Variants in SNTG2 observed in about 807,000 individuals in gnomAD.
SNTG2 encodes the protein gamma-2-syntrophin.
In SNTG2, 74 loss-of-function variants were observed where a neutral mutation model predicts 70.9. That is an observed-to-expected ratio of 1.04 (90% confidence interval 0.86 to 1.27). The LOEUF (loss-of-function observed/expected upper bound fraction) is 1.27, where lower values mean the gene tolerates loss of function less well. Ranked by LOEUF, SNTG2 falls within the 50% of genes most tolerant of loss-of-function variation. The probability of loss-of-function intolerance (pLI) is 0.00; values close to 1 mark genes in which losing one functional copy is unlikely to be tolerated. For missense variants in SNTG2, 717 were observed against 690.7 expected (o/e 1.04, Z -0.43); for synonymous variants, 278 against 273.8 (o/e 1.02, Z -0.15).
intron 6 of SNTG2, among the ~76,000 whole-genome samples, chr2:1,162,707 C>T (rs1443015416): frequency 6.6e-6 from 1 of 152,126 alleles, no homozygotes; most frequent in Non-Finnish European, 1.5e-5. Context: ...CAAAGGAGAG[C>T]CTCGGTTCTA....
chr2:1,160,991 C>T (rs1379219881), intron 6 of SNTG2: 2 of 152,238 alleles, frequency 1.3e-5, no homozygotes, highest in Admixed American at 1.3e-4. Flanking sequence ...ATAGTTGACT[C>T]CTTTCTAAGG....
chr2:959,403 G>A lies in SNTG2; in HGVS notation c.72+8335G>A, dbSNP rs147081078. On this transcript the variant is annotated intron_variant, in intron 1 of 16. Transcript: ENST00000308624. ...TTCCAAAGCTTTATCAAATTTTGTC[G>A]TGACCTACAGATTCTTTTGGTTTTA... 9.6e-3 allele frequency among the ~76,000 whole-genome samples: 1,468 copies of A among 152,264 alleles called. 19 individuals carry two copies. Among genetic ancestry groups the A allele is most frequent in the Middle Eastern group, 0.037 (11 of 294 alleles).
At chr2:1,137,556 A>T (rs1486820813) in intron 4 of SNTG2, 66 bp from the exon 5 acceptor site, 1 of 1,558,068 alleles carries the variant, frequency 6.4e-7, no homozygotes, top group Non-Finnish European at 8.7e-7. Flanking sequence ...TGCTTAAATG[A>T]CTGTCATAAC....
At chr2:1,223,358 C>G (rs1199916882) in intron 9 of SNTG2, among the ~76,000 whole-genome samples, 1 of 151,404 alleles carries the variant, frequency 6.6e-6, no homozygotes, top group East Asian at 2.0e-4. Context: ...GTCTCCCTGT[C>G]CTGCCGTGGA....
chr2:1,237,752 C>T (rs1047671223), intron 9 of SNTG2, 136 bp from the exon 10 acceptor site: 17 of 1,106,262 alleles, frequency 1.5e-5, no homozygotes, highest in African/African-American at 1.4e-4. Flanking sequence ...TGTACTGAGG[C>T]GCCTGAGGAA....
At chr2:1,099,920 C>G (rs1665673541) in intron 4 of SNTG2, among the ~76,000 whole-genome samples, 1 of 152,156 alleles carries the variant, frequency 6.6e-6, no homozygotes, top group South Asian at 2.1e-4. Flanking sequence ...TTTGAGCAAG[C>G]TTACAAACCT....
At chr2:1,189,252 T>C (rs1351025379) in intron 8 of SNTG2, among the ~76,000 whole-genome samples, 2 of 152,068 alleles carry the variant, frequency 1.3e-5, no homozygotes, top group African/African-American at 4.8e-5. Context: ...TGGAAAGAAA[T>C]ACCATATCAA....
intron 4 of SNTG2, among the ~76,000 whole-genome samples, chr2:1,109,200 T>C (rs1309824365): frequency 6.6e-6 from 1 of 152,002 alleles, no homozygotes; most frequent in Middle Eastern, 3.2e-3. Context: ...AAGCCCCTTT[T>C]ATTCCCCCTA....
chr2:1,150,921 C>CG lies in SNTG2; in HGVS notation c.411+13113dup, dbSNP rs1553339385. On this transcript the variant is annotated intron_variant, in intron 6 of 16. Transcript: ENST00000308624. ...CAGAGCAGCCATGCGGCTGCTGAACCGAGCTCCAACCCCACAGAGCCTCAT... is the reference window on the plus strand; with the variant it reads ...CAGAGCAGCCATGCGGCTGCTGAACCGGAGCTCCAACCCCACAGAGCCTCAT... Among the ~76,000 whole-genome samples the CG allele has an allele frequency of 1.2e-3, 184 of 151,818 alleles. 1 individual carries two copies. Among genetic ancestry groups the CG allele is most frequent in the African/African-American group, 4.3e-3 (178 of 41,394 alleles).
At chr2:979,905 C>T (rs1393924741) in intron 1 of SNTG2, among the ~76,000 whole-genome samples, 3 of 151,820 alleles carry the variant, frequency 2.0e-5, no homozygotes, top group South Asian at 2.1e-4. Flanking sequence ...ATGTTAAATA[C>T]ATTATGAAAG....
chr2:1,366,592 ACT>A (rs1351162607), intron 16 of SNTG2, among the ~76,000 whole-genome samples: 1 of 149,774 alleles, frequency 6.7e-6, no homozygotes, highest in Non-Finnish European at 1.5e-5. Context: ...TCTCTAGGAA[ACT>A]CTCCCTGGGG....
At chr2:1,032,176 C>T (rs893428319) in intron 1 of SNTG2, among the ~76,000 whole-genome samples, 3 of 152,152 alleles carry the variant, frequency 2.0e-5, no homozygotes, top group African/African-American at 7.2e-5. Flanking sequence ...TGGAACAACG[C>T]TGCAGCGGGA....
intron 9 of SNTG2, among the ~76,000 whole-genome samples, chr2:1,230,343 T>G (rs550763344): frequency 1.3e-5 from 2 of 152,066 alleles, no homozygotes; most frequent in Non-Finnish European, 2.9e-5. Flanking sequence ...CACTGGAAAC[T>G]TGGATGTCTG....
chr2:1,268,518 A>G (rs963714825), intron 14 of SNTG2, among the ~76,000 whole-genome samples: 1 of 152,184 alleles, frequency 6.6e-6, no homozygotes, highest in African/African-American at 2.4e-5. Context: ...ACTGATGCCA[A>G]TGTTTATTCT....
intron 6 of SNTG2, among the ~76,000 whole-genome samples, chr2:1,155,473 G>T (rs767958093): frequency 4.9e-5 from 4 of 81,288 alleles, no homozygotes; most frequent in African/African-American, 1.5e-4. Context: ...AGCATATTCC[G>T]TCTACCAGAG....
chr2:1,052,949 C>A (rs1662158621), intron 1 of SNTG2, among the ~76,000 whole-genome samples: 1 of 152,256 alleles, frequency 6.6e-6, no homozygotes. Flanking sequence ...TGCGAGTCCC[C>A]TCCTGGATCT....
At chr2:1,239,855 T>G in intron 11 of SNTG2, 79 bp downstream of exon 11, 1 of 1,519,506 alleles carries the variant, frequency 6.6e-7, no homozygotes, top group South Asian at 1.2e-5. Context: ...GTAACACATC[T>G]CGAAAAGCAG....
At chr2:1,259,334 T>A (rs1032387912) in intron 12 of SNTG2, 36 bp from the exon 13 acceptor site, 1 of 1,608,450 alleles carries the variant, frequency 6.2e-7, no homozygotes, top group East Asian at 2.2e-5. Flanking sequence ...AAAAGTAGCA[T>A]GCTGCTTTTC....
chr2:1,081,110 C>T (rs6760642), intron 1 of SNTG2, among the ~76,000 whole-genome samples: 84,777 of 151,968 alleles, frequency 0.56, 24,079 homozygotes, highest in East Asian at 0.64. Context: ...CCGCAGGCCA[C>T]GGCGTCCTGA....
Sources: gnomAD v4.1 joint callset for allele counts (sites outside exome capture counted in the v4.1 genomes callset) on GRCh38, gnomAD v4.1.1 for gene constraint, MANE v1.5 for transcripts, NCBI Gene and HGNC (gene_info 2026-07-23, HGNC 2026-07-21) for gene names.